Variants in MYCBP2 observed in about 807,000 individuals in gnomAD.
MYCBP2 encodes the protein E3 ubiquitin-protein ligase MYCBP2.
MYCBP2 carries 120 observed loss-of-function variants against 525.3 expected under a neutral mutation model. The ratio of observed to expected loss-of-function variants is 0.23; its 90% CI spans 0.20 to 0.27. MYCBP2 has a LOEUF of 0.27. Among genes scored for constraint, MYCBP2 ranks in the 10% least tolerant of loss-of-function variants. The pLI is 1.00. For missense variants in MYCBP2, 4,149 were observed against 5,657.1 expected, an observed-to-expected ratio of 0.73 and a Z score of 8.55; for synonymous variants, 1,894 against 1,955.8, an observed-to-expected ratio of 0.97 and a Z score of 0.83.
intron 26 of MYCBP2, among the ~76,000 whole-genome samples, chr13:77,203,256 C>T (rs1299612285): frequency 3.3e-5 from 5 of 151,882 alleles, no homozygotes; most frequent in Admixed American, 2.6e-4. Context: ...CAACAACAGA[C>T]AAACAGAGAG....
chr13:77,163,924 C>A (rs2058237081), intron 43 of MYCBP2, among the ~76,000 whole-genome samples: 1 of 152,156 alleles, frequency 6.6e-6, no homozygotes, highest in African/African-American at 2.4e-5. Flanking sequence ...TCATCTGCAG[C>A]CTCCTCTTCC....
chr13:77,128,364 T>C (rs1382875284), intron 52 of MYCBP2, among the ~76,000 whole-genome samples: 3 of 151,860 alleles, frequency 2.0e-5, no homozygotes, highest in Non-Finnish European at 4.4e-5. Flanking sequence ...CAAATATCCA[T>C]AGATTTAGCA....
rs756175825 is a variant in MYCBP2 at position 77,061,321 on chromosome 13, C to T, written c.12904-20G>A. On this transcript the variant is annotated intron_variant, in intron 75 of 82. Transcript: ENST00000544440. ...GAAGACCTATTATTTCATTAAAGAA[C>T]AGGGAAAAATATGCTTATTTATCAC... 1.3e-5 allele frequency: 20 copies of T among 1,576,018 alleles called. No homozygotes were observed. In the African/African-American group the frequency reaches 2.7e-4, roughly 22 times the overall value.
In MYCBP2 at chr13:77,227,916, A is replaced by G. The variant is rs186360690; in HGVS notation, c.2738-2362T>C. ...TAGAGGTCAAAATAATACTAGAAAC[A>G]TTTTGTTCATTGAAACAAACTGTAA... On this transcript the variant is annotated intron_variant, in intron 18 of 82. Transcript: ENST00000544440. Among the ~76,000 whole-genome samples, 363 of 152,298 alleles carry G rather than the reference A, an allele frequency of 2.4e-3. 5 individuals carry two copies. The highest frequency in any genetic ancestry group is 8.5e-3 in the African/African-American group (353 of 41,578).
intron 26 of MYCBP2, among the ~76,000 whole-genome samples, chr13:77,199,215 A>C (rs1449470595): frequency 2.0e-5 from 3 of 152,234 alleles, no homozygotes; most frequent in Non-Finnish European, 4.4e-5. Context: ...AGGGCGAGGC[A>C]TTGCCTCACT....
At chr13:77,285,641 C>G (rs1164447606) in intron 3 of MYCBP2, among the ~76,000 whole-genome samples, 2 of 152,062 alleles carry the variant, frequency 1.3e-5, no homozygotes, top group Non-Finnish European at 2.9e-5. Flanking sequence ...ACAAAATTAG[C>G]CAGGCGCGGT....
chr13:77,269,550 C>T lies in MYCBP2; in HGVS notation c.1260+442G>A, dbSNP rs1473041196. On this transcript the variant is annotated intron_variant, in intron 7 of 82. Transcript: ENST00000544440. ...CTGAGGCACAAGAATCACTTGAACT[C>T]AGGAGGCAGAGGTTGCAGTGAGCCG... 3.3e-5 allele frequency among the ~76,000 whole-genome samples: 5 copies of T among 152,036 alleles called. No homozygotes were observed. In the East Asian group the frequency reaches 9.6e-4, roughly 29 times the overall value.
At chr13:77,147,483 C>G (rs1566705873) in intron 47 of MYCBP2, among the ~76,000 whole-genome samples, 4 of 152,086 alleles carry the variant, frequency 2.6e-5, no homozygotes, top group African/African-American at 9.7e-5. Context: ...AGGTTCAGGT[C>G]AAGATGTCCA....
At chr13:77,315,353 GA>G (rs1383530744) in intron 1 of MYCBP2, among the ~76,000 whole-genome samples, 4 of 151,596 alleles carry the variant, frequency 2.6e-5, no homozygotes, top group South Asian at 4.2e-4. Flanking sequence ...GAAAAGAAAA[GA>G]AAAAAAACCG....
intron 21 of MYCBP2, among the ~76,000 whole-genome samples, chr13:77,215,070 TG>T (rs1321116671): frequency 2.0e-5 from 3 of 152,104 alleles, no homozygotes; most frequent in African/African-American, 7.2e-5. Flanking sequence ...ATGAAAGGTG[TG>T]GGGAGGCAGG....
At chr13:77,191,530 G>A in intron 28 of MYCBP2, 149 bp downstream of exon 28, 2 of 870,228 alleles carry the variant, frequency 2.3e-6, no homozygotes, top group South Asian at 1.9e-5. Context: ...AATTTGGCAT[G>A]AGGTTACATG....
At chr13:77,179,266 TG>T (rs2059994396) in intron 34 of MYCBP2, among the ~76,000 whole-genome samples, 1 of 152,186 alleles carries the variant, frequency 6.6e-6, no homozygotes, top group African/African-American at 2.4e-5. Context: ...GACAAGAACT[TG>T]GGAGCTAGGG....
chr13:77,270,510 C>T lies in MYCBP2; in HGVS notation c.974G>A (p.Arg325Lys). 6.2e-7 allele frequency: 1 copy of T among 1,610,580 alleles called. No individual in the cohort carries two copies. The highest frequency in any genetic ancestry group is 8.5e-7 in the Non-Finnish European group (1 of 1,177,970). Residue 325 changes from arginine to lysine, a missense_variant, in exon 6 of 83, where the codon AGA becomes AAA. Arg to Lys is a conservative substitution (Grantham distance 26). Transcript: ENST00000544440. ...TCCCACCAAAACTGCTTGTACACTT[C>T]TCTGTAGCGAATTTAGAATTGTTGG... ...QVPTILNSLQ[R>K]SVQAVLVGKI...
At chr13:77,270,643 T>C in intron 5 of MYCBP2, 105 bp from the exon 6 acceptor site, 1 of 1,199,928 alleles carries the variant, frequency 8.3e-7, no homozygotes, top group East Asian at 2.5e-5. Flanking sequence ...CAATAAATTG[T>C]TCAGAATGAT....
chr13:77,224,127 T>C (rs1289453329), intron 20 of MYCBP2, among the ~76,000 whole-genome samples: 1 of 152,214 alleles, frequency 6.6e-6, no homozygotes, highest in African/African-American at 2.4e-5. Flanking sequence ...TACAATTCAC[T>C]ATTTTTCTAT....
intron 1 of MYCBP2, among the ~76,000 whole-genome samples, chr13:77,319,209 GGTGATAGTCAGTAGGC>G (rs2154381415): frequency 6.6e-6 from 1 of 152,242 alleles, no homozygotes; most frequent in East Asian, 1.9e-4. Context: ...TTGTTGGTTT[GGTGATAGTCAGTAGGC>G]GAGAGAGGAG....
At chr13:77,297,936 A>G (rs2078369617) in intron 1 of MYCBP2, among the ~76,000 whole-genome samples, 1 of 152,198 alleles carries the variant, frequency 6.6e-6, no homozygotes, top group Non-Finnish European at 1.5e-5. Context: ...CTGCACATCC[A>G]TACCCTTCAA....
intron 2 of MYCBP2, among the ~76,000 whole-genome samples, chr13:77,290,125 A>G (rs1256416596): frequency 6.6e-6 from 1 of 152,220 alleles, no homozygotes; most frequent in African/African-American, 2.4e-5. Context: ...AGCACATGAA[A>G]AGAATTTCAA....
At chr13:77,153,766 T>G (rs2056847993) in intron 46 of MYCBP2, among the ~76,000 whole-genome samples, 6 of 152,110 alleles carry the variant, frequency 3.9e-5, no homozygotes. Context: ...TTTTTTTAAT[T>G]CACAGGAAGT....
Sources: gnomAD v4.1 joint callset for allele counts (sites outside exome capture counted in the v4.1 genomes callset) on GRCh38, gnomAD v4.1.1 for gene constraint, MANE v1.5 for transcripts, NCBI Gene and HGNC (gene_info 2026-07-23, HGNC 2026-07-21) for gene names.